The following GTSE1 variants were observed in gnomAD, a reference collection of about 807,000 sequenced individuals.
GTSE1 encodes G2 and S phase-expressed protein 1.
A neutral mutation model predicts 60.5 loss-of-function variants in GTSE1; 52 were observed. That is an observed-to-expected ratio of 0.86 (90% CI 0.69 to 1.08). The LOEUF is 1.08. GTSE1 is among the 50% of genes least tolerant of loss of function. GTSE1 has a pLI of 0.00. For synonymous variants in GTSE1, 368 were observed against 386.5 expected (o/e 0.95, Z 0.56); for missense variants, 937 against 961.8 (o/e 0.97, Z 0.34).
In GTSE1 at chr22:46,308,655, C is replaced by T. The variant is rs746454453; in HGVS notation, c.474C>T (p.Pro158=). 2 of 1,614,018 alleles carry T rather than the reference C, an allele frequency of 1.2e-6. No homozygotes were observed. The highest frequency in any genetic ancestry group is 1.1e-5 in the South Asian group (1 of 91,092). ...AAGAAAAGGAAATGAAGAAAAGCCC[C>T]ACGTCTCTTAAAAGGGAGACATACT... ...FEKEKEMKKS[P]TSLKRETYYL... is the part of the protein sequence containing the mutation. Residue 158 remains proline, a synonymous_variant, in exon 4 of 12, where the codon CCC becomes CCT. Transcript: ENST00000454366.
intron 2 of GTSE1, among the ~76,000 whole-genome samples, chr22:46,303,868 C>T (rs999209643): frequency 6.6e-6 from 1 of 152,156 alleles, no homozygotes; most frequent in African/African-American, 2.4e-5. Context: ...TGGTTCTTTT[C>T]CTTCCTGCCA....
rs954493359 is a variant in GTSE1 at position 46,309,363 on chromosome 22, A to C, written c.762+420A>C. On this transcript the variant is annotated intron_variant, in intron 4 of 11. Transcript: ENST00000454366. This position sits in a 1 kb window ranked among gnomAD's most constrained non-coding sequence, Gnocchi z 6.2. Reference sequence around the variant, plus strand: ...GCTTTCCTGGGAGGTGGCAGTTGACAGGGGTGCCTTTGGGTGCAGTCTGCC... The same window carrying C: ...GCTTTCCTGGGAGGTGGCAGTTGACCGGGGTGCCTTTGGGTGCAGTCTGCC... Among the ~76,000 whole-genome samples, 1 of 152,124 alleles carries C rather than the reference A, an allele frequency of 6.6e-6. No individual in the cohort carries two copies. The highest frequency in any genetic ancestry group is 1.5e-5 in the Non-Finnish European group (1 of 68,002).
rs2077800185 is a variant in GTSE1 at position 46,319,505 on chromosome 22, G to GC, written c.1432+3095dup. Among the ~76,000 whole-genome samples, 1 of 152,136 alleles carries GC rather than the reference G, an allele frequency of 6.6e-6. No individual in the cohort carries two copies. The highest frequency in any genetic ancestry group is 1.5e-5 in the Non-Finnish European group (1 of 68,022). On this transcript the variant is annotated intron_variant, in intron 7 of 11. Coordinates refer to ENST00000454366, the MANE Select transcript of GTSE1 (RefSeq NM_016426.7). This position sits in a 1 kb window ranked among gnomAD's most constrained non-coding sequence, Gnocchi z 5.0. Reference sequence around the variant, plus strand: ...GAGGTTCTGGCGGAACCTGGGTGCTGCCACTCATGTGACAGGAGGGCTGGA... The same window carrying GC: ...GAGGTTCTGGCGGAACCTGGGTGCTGCCCACTCATGTGACAGGAGGGCTGGA...
chr22:46,311,324 C>T (rs571295877), intron 4 of GTSE1, among the ~76,000 whole-genome samples: 19 of 152,070 alleles, frequency 1.2e-4, no homozygotes, highest in African/African-American at 2.4e-4. Context: ...GTGATCTGCC[C>T]GCCTCGGCCT....
intron 4 of GTSE1, 149 bp from the exon 5 acceptor site, chr22:46,311,992 C>T (rs1045240205): frequency 6.2e-6 from 4 of 642,548 alleles, no homozygotes; most frequent in Non-Finnish European, 8.2e-6. Flanking sequence ...GAACTGCTTG[C>T]CCTGTTCCCT....
chr22:46,321,066 C>T lies in GTSE1; in HGVS notation c.1433-2124C>T, dbSNP rs1037629292. Among the ~76,000 whole-genome samples the T allele has an allele frequency of 2.0e-5, 3 of 151,912 alleles. No homozygotes were observed. The South Asian group carries it at 6.3e-4, about 32-fold the overall frequency. ...GAGGGAGAGAGAGGTGGGCTTGCCT[C>T]CACACCCGCCAGGAGTGACCAACTT... On this transcript the variant is annotated intron_variant, in intron 7 of 11. Coordinates refer to ENST00000454366, the MANE Select transcript of GTSE1 (RefSeq NM_016426.7). This position sits in a 1 kb window ranked among gnomAD's most constrained non-coding sequence, Gnocchi z 4.0.
chr22:46,316,269 G>C lies in GTSE1; in HGVS notation c.1289G>C (p.Trp430Ser). 1 of 1,613,906 alleles carries C rather than the reference G, an allele frequency of 6.2e-7. No individual in the cohort carries two copies. Among genetic ancestry groups the C allele is most frequent in the South Asian group, 1.1e-5 (1 of 91,088 alleles). ...QPQTPEGGGQ[W>S]LNSSCAWSES... ...CAGACTCCGGAAGGTGGCGGCCAGT[G>C]GCTGAACTCCAGTTGCGCTTGGTCA... is the stretch of plus-strand genomic sequence containing the variant. Residue 430 changes from tryptophan to serine, a missense_variant, in exon 7 of 12, where the codon TGG becomes TCG. Coordinates refer to ENST00000454366, the MANE Select transcript of GTSE1 (RefSeq NM_016426.7). This position sits in a 1 kb window ranked among gnomAD's most constrained non-coding sequence, Gnocchi z 5.0.
rs779235500 is a variant in GTSE1 at position 46,308,875 on chromosome 22, G to A, written c.694G>A (p.Gly232Arg). Residue 232 changes from glycine (G) to arginine (R), a missense_variant, in exon 4 of 12, where the codon GGG (glycine) becomes AGG (arginine). By Grantham distance (125) the Gly-to-Arg change is moderately radical. Transcript: ENST00000454366. ...ASQAATQRKP[G>R]TKLLLPRAAS... ...TCAGGCAGCGACTCAGAGGAAGCCC[G>A]GGACCAAATTGCTGCTGCCTCGAGC... The A allele has an allele frequency of 1.1e-5, 17 of 1,613,118 alleles. No homozygotes were observed. The highest frequency in any genetic ancestry group is 1.7e-5 in the Admixed American group (1 of 60,010).
chr22:46,301,052 G>T (rs1236989057), intron 2 of GTSE1, among the ~76,000 whole-genome samples: 1 of 152,166 alleles, frequency 6.6e-6, no homozygotes, highest in African/African-American at 2.4e-5. Context: ...AATTTATCTT[G>T]ATGAATATTG....
rs777019405 is a variant in GTSE1, at chr22:46,326,530, G to A, written c.1600G>A (p.Ala534Thr). 4.3e-6 allele frequency: 7 copies of A among 1,613,892 alleles called. No homozygotes were observed. Among genetic ancestry groups the A allele is most frequent in the Admixed American group, 1.7e-5 (1 of 59,998 alleles). ...GCGTGTGTCAGCCTTGCCCACACCC[G>A]CCAGCCGGCGCTGCTCTGGCCTTCC... ...AWRVSALPTP[A>T]SRRCSGLPPM... The change falls in exon 9 of 12, where the codon GCC becomes ACC. Residue 534 changes from alanine (A) to threonine (T), a missense_variant. Physicochemically the swap from Ala to Thr is moderately conservative, Grantham distance 58. Transcript: ENST00000454366.
intron 10 of GTSE1, 105 bp downstream of exon 10, chr22:46,328,994 C>G (rs1043061218): frequency 6.5e-6 from 6 of 923,978 alleles, no homozygotes; most frequent in Non-Finnish European, 1.0e-5. Context: ...CCCTGCCATG[C>G]TTCATCCTGG....
rs977704637 is a variant in GTSE1 at position 46,316,641 on chromosome 22, C to T, written c.1432+229C>T. Among the ~76,000 whole-genome samples, 72 of 152,234 alleles carry T rather than the reference C, an allele frequency of 4.7e-4. No individual in the cohort carries two copies. The highest frequency in any genetic ancestry group is 1.7e-3 in the African/African-American group (71 of 41,542). On this transcript the variant is annotated intron_variant, in intron 7 of 11. Transcript: ENST00000454366. This position sits in a 1 kb window ranked among gnomAD's most constrained non-coding sequence, Gnocchi z 5.0. The stretch of plus-strand genomic sequence containing the variant: ...TGTGTGACACCCCAATGCTCGTAGG[C>T]TGCTTGTAAGGTTTTCTCTTTAGTG...
rs1301887176 is a variant in GTSE1 at position 46,320,544 on chromosome 22, G to T, written c.1433-2646G>T. On this transcript the variant is annotated intron_variant, in intron 7 of 11. Transcript: ENST00000454366. This position sits in a 1 kb window ranked among gnomAD's most constrained non-coding sequence, Gnocchi z 7.1. The stretch of plus-strand genomic sequence containing the variant: ...ATTGGCTGTGACACCAGCTGTCACC[G>T]TGGAGGAGAGGTGAGGGCTGAGGGC... Among the ~76,000 whole-genome samples the T allele has an allele frequency of 6.6e-6, 1 of 152,258 alleles. No homozygotes were observed. The highest frequency in any genetic ancestry group is 2.4e-5 in the African/African-American group (1 of 41,478).
In GTSE1 at chr22:46,297,392, GCT is replaced by G; in HGVS notation, c.-3_-2del. The G allele has an allele frequency of 6.2e-7, 1 of 1,607,884 alleles. No individual in the cohort carries two copies. The highest frequency in any genetic ancestry group is 8.5e-7 in the Non-Finnish European group (1 of 1,174,398). On this transcript the variant is annotated 5_prime_UTR_variant, in exon 2 of 12. Transcript: ENST00000454366. The surrounding 1 kb of genome is among the most constrained non-coding windows in gnomAD (Gnocchi z 4.9). ...TTCCACCCTGCAGTGACTTCTGACA[GCT>G]CTCTCCATGGAAGGAGGCGGCGGCC...
chr22:46,326,387 AC>A, intron 8 of GTSE1, 48 bp from the exon 9 acceptor site: 1 of 1,457,954 alleles, frequency 6.9e-7, no homozygotes, highest in East Asian at 2.3e-5. Flanking sequence ...ATGAGATCTT[AC>A]TTTTTCTATG....
rs969714079 is a variant in GTSE1 at position 46,311,203 on chromosome 22, G to A, written c.763-938G>A. ...AGCAGTCCTCCTGTCTCAGCCTCCC[G>A]AGTAGCTGGGATTACAGGCGCCCGC... On this transcript the variant is annotated intron_variant, in intron 4 of 11. Coordinates refer to ENST00000454366, the MANE Select transcript of GTSE1 (RefSeq NM_016426.7). Among the ~76,000 whole-genome samples, 5 of 152,078 alleles carry A rather than the reference G, an allele frequency of 3.3e-5. No individual in the cohort carries two copies. The East Asian group carries it at 7.8e-4, about 24-fold the overall frequency.
chr22:46,330,355 G>T lies in GTSE1; in HGVS notation c.*225G>T, dbSNP rs2147836713. The stretch of plus-strand genomic sequence containing the variant: ...AAATTAGCCGGGTGTGGTAGTGCAT[G>T]CCTGTAGTCCCAGCTACTTGGGAGG... On this transcript the variant is annotated 3_prime_UTR_variant, in exon 12 of 12. Transcript: ENST00000454366. The surrounding 1 kb of genome is among the most constrained non-coding windows in gnomAD (Gnocchi z 6.0). The T allele has an allele frequency of 2.2e-6, 1 of 464,212 alleles. No homozygotes were observed. Among genetic ancestry groups the T allele is most frequent in the African/African-American group, 2.0e-5 (1 of 50,716 alleles). 28.8% of individuals were successfully genotyped at this position (464,212 alleles called of 1,614,324 possible). A position where few individuals can be genotyped will look rare whatever the true frequency, so the allele number is the denominator to read the frequency against.
chr22:46,325,282 C>T (rs565807841), intron 8 of GTSE1, among the ~76,000 whole-genome samples: 22 of 151,428 alleles, frequency 1.5e-4, no homozygotes, highest in African/African-American at 3.6e-4. Context: ...CTGCAACCTC[C>T]GCTTCCTACG....
rs576078031 is a variant in GTSE1, at chr22:46,324,456, C to T, written c.1505+1194C>T. On this transcript the variant is annotated intron_variant, in intron 8 of 11. Coordinates refer to ENST00000454366, the MANE Select transcript of GTSE1 (RefSeq NM_016426.7). The surrounding 1 kb of genome is among the most constrained non-coding windows in gnomAD (Gnocchi z 5.2). ...GATCTCAGCTCATGGTAAGCTCCGCCTCCTGGATTCACGCCATTCTCCTGC... is the reference window on the plus strand; with the variant it reads ...GATCTCAGCTCATGGTAAGCTCCGCTTCCTGGATTCACGCCATTCTCCTGC... Among the ~76,000 whole-genome samples the T allele has an allele frequency of 1.2e-3, 178 of 152,268 alleles. 2 individuals are homozygous for T. Among genetic ancestry groups the T allele is most frequent in the African/African-American group, 4.2e-3 (175 of 41,538 alleles).
Sources: allele counts gnomAD v4.1 joint callset (sites outside exome capture counted in the v4.1 genomes callset), GRCh38; gene constraint gnomAD v4.1.1; non-coding constraint Gnocchi (gnomAD v3.1); transcripts MANE v1.5; gene names NCBI Gene and HGNC (gene_info 2026-07-23, HGNC 2026-07-21).